Variants in RP1 observed in about 807,000 individuals in gnomAD.
The protein encoded by RP1 is RP1 axonemal microtubule associated, also known as oxygen-regulated protein 1.
A neutral mutation model predicts 14.8 loss-of-function variants in RP1; 16 were observed. The observed-to-expected ratio is 1.08, with a 90% CI of 0.73 to 1.65. RP1 has a LOEUF of 1.65. Among genes scored for constraint, RP1 ranks in the 40% most tolerant of loss-of-function variants. The pLI, the probability that RP1 is intolerant of heterozygous loss-of-function variation, is 0.00. For missense variants in RP1, 2,631 were observed against 2,535.0 expected, an observed-to-expected ratio of 1.04 and a Z score of -0.81; for synonymous variants, 876 against 883.6, an observed-to-expected ratio of 0.99 and a Z score of 0.15.
chr8:54,761,730 A>C (rs1809644847), intron 22 of RP1, among the ~76,000 whole-genome samples: 1 of 152,250 alleles, frequency 6.6e-6, no homozygotes, highest in Non-Finnish European at 1.5e-5. Flanking sequence ...TACCCTGATC[A>C]TAGTAGGTCC....
rs3049538 is a variant in RP1, at chr8:54,681,482, TTGTGTGTGTG to T, written c.1717+1581_1717+1590del. On this transcript the variant is annotated intron_variant, in intron 12 of 22. Transcript: ENST00000636932. ...ATATTTTCTATTTTTATTTTTTGATTTGTGTGTGTGTGTGTGTGTGTGTGTGTGTGTGTGT... is the reference window on the plus strand; with the variant it reads ...ATATTTTCTATTTTTATTTTTTGATTTGTGTGTGTGTGTGTGTGTGTGTGT... 1.0e-3 allele frequency among the ~76,000 whole-genome samples: 147 copies of T among 141,664 alleles called. 3 individuals carry two copies. The highest frequency in any genetic ancestry group is 6.1e-4 in the East Asian group (3 of 4,904). 92.9% of individuals were successfully genotyped at this position (141,664 alleles called of 152,430 possible).
intron 22 of RP1, among the ~76,000 whole-genome samples, chr8:54,760,404 T>A (rs1809610682): frequency 6.6e-6 from 1 of 152,248 alleles, no homozygotes; most frequent in Admixed American, 6.5e-5. Flanking sequence ...TCTGACTTTA[T>A]CTTTTCTTCT....
intron 6 of RP1, among the ~76,000 whole-genome samples, chr8:54,660,549 G>C (rs776301050): frequency 3.4e-4 from 51 of 151,562 alleles, no homozygotes; most frequent in Admixed American, 2.8e-3. Flanking sequence ...TGTATGTGCT[G>C]GGGGTAGGAG....
intron 24 of RP1, among the ~76,000 whole-genome samples, chr8:54,816,192 A>G (rs570976900): frequency 2.6e-5 from 4 of 152,350 alleles, no homozygotes; most frequent in Middle Eastern, 6.8e-3. Context: ...CACTGACTAC[A>G]TAGAGATTTC....
chr8:54,769,717 T>TTC (rs755748543), intron 22 of RP1: 13 of 1,409,388 alleles, frequency 9.2e-6, no homozygotes, highest in Admixed American at 4.4e-5. Context: ...CTCTCTTTCT[T>TTC]TCTCTCTCTC....
intron 9 of RP1, among the ~76,000 whole-genome samples, chr8:54,679,101 AG>A (rs1807364189): frequency 6.6e-6 from 1 of 152,182 alleles, no homozygotes; most frequent in Non-Finnish European, 1.5e-5. Context: ...TAGTGGCCAA[AG>A]GACAGGATAA....
At chr8:54,790,902 G>A (rs1364058446) in intron 24 of RP1, among the ~76,000 whole-genome samples, 3 of 152,076 alleles carry the variant, frequency 2.0e-5, no homozygotes, top group African/African-American at 7.2e-5. Flanking sequence ...ATTCCAGAAG[G>A]AGAAGAAGGA....
At chr8:54,696,925 C>T (rs1391637897) in intron 12 of RP1, 3 of 872,758 alleles carry the variant, frequency 3.4e-6, no homozygotes, top group East Asian at 2.4e-5. Context: ...TTGAGGAGCA[C>T]CTGGGGAAGT....
chr8:54,811,495 A>G (rs1190787272), intron 24 of RP1, among the ~76,000 whole-genome samples: 1 of 152,174 alleles, frequency 6.6e-6, no homozygotes, highest in East Asian at 1.9e-4. Flanking sequence ...TACTAATCAC[A>G]TTAGTAATTA....
intron 4 of RP1, among the ~76,000 whole-genome samples, chr8:54,651,017 G>A (rs1487110162): frequency 6.6e-6 from 1 of 151,026 alleles, no homozygotes; most frequent in Non-Finnish European, 1.5e-5. Flanking sequence ...AAATGTGCAT[G>A]TGTGTGTGTG....
At position 54,778,739 on chromosome 8, in the gene RP1, G is replaced by T. The variant is rs183905633; in HGVS notation, c.3452-4808G>T. Among the ~76,000 whole-genome samples the T allele has an allele frequency of 4.0e-3, 608 of 152,258 alleles. 6 individuals are homozygous for T. Among genetic ancestry groups the T allele is most frequent in the Non-Finnish European group, 4.7e-3 (319 of 68,018 alleles). ...GATTTTAGTCCAAGTCCTGGAGGAA[G>T]AAAGGAGCCTTTTAGGATAGCTGAA... On this transcript the variant is annotated intron_variant, in intron 23 of 28. Transcript: ENST00000637698.
At chr8:54,793,228 A>C (rs902138031) in intron 24 of RP1, among the ~76,000 whole-genome samples, 1 of 151,900 alleles carries the variant, frequency 6.6e-6, no homozygotes. Flanking sequence ...TTTAGTCTTC[A>C]TTCTGAGTTC....
intron 12 of RP1, among the ~76,000 whole-genome samples, chr8:54,695,807 T>C (rs533824046): frequency 2.2e-4 from 33 of 152,290 alleles, no homozygotes; most frequent in African/African-American, 7.7e-4. Flanking sequence ...TTTCCTTATT[T>C]CAATAACACC....
At chr8:54,670,124 G>A (rs1159325846) in intron 7 of RP1, among the ~76,000 whole-genome samples, 1 of 151,926 alleles carries the variant, frequency 6.6e-6, no homozygotes, top group African/African-American at 2.4e-5. Flanking sequence ...TTATTTTCTA[G>A]TTTTGTTCCA....
intron 24 of RP1, among the ~76,000 whole-genome samples, chr8:54,804,071 A>C (rs1166050899): frequency 1.3e-5 from 2 of 152,130 alleles, no homozygotes; most frequent in African/African-American, 4.8e-5. Context: ...CTATCTCAAA[A>C]AAAATAAAAG....
intron 24 of RP1, among the ~76,000 whole-genome samples, chr8:54,802,991 C>T (rs1404550714): frequency 6.6e-6 from 1 of 152,032 alleles, no homozygotes; most frequent in Non-Finnish European, 1.5e-5. Flanking sequence ...GCTTGTCTTT[C>T]TTGGGATTCA....
chr8:54,612,348 C>T (rs1261901596), upstream of RP1, among the ~76,000 whole-genome samples: 1 of 152,188 alleles, frequency 6.6e-6, no homozygotes, highest in African/African-American at 2.4e-5. Context: ...GCTGTCCCCA[C>T]AGCTGCCTGC....
At chr8:54,572,311 AT>A (rs1226845143) in intron 1 of RP1, among the ~76,000 whole-genome samples, 1 of 152,266 alleles carries the variant, frequency 6.6e-6, no homozygotes, top group Non-Finnish European at 1.5e-5. Context: ...AAGAACCCCA[AT>A]CACAGGAGTT....
At chr8:54,568,520 T>A (rs1251124541) in intron 1 of RP1, among the ~76,000 whole-genome samples, 1 of 152,236 alleles carries the variant, frequency 6.6e-6, no homozygotes, top group African/African-American at 2.4e-5. Flanking sequence ...TGGAGTAGGA[T>A]GTTTCTGTAC....
Sources: allele counts gnomAD v4.1 joint callset (sites outside exome capture counted in the v4.1 genomes callset), GRCh38; gene constraint gnomAD v4.1.1; transcripts MANE v1.5; gene names NCBI Gene and HGNC (gene_info 2026-07-23, HGNC 2026-07-21).